Variants in PCDHGA7 observed in about 807,000 individuals in gnomAD.
PCDHGA7 encodes protocadherin gamma-A7.
A neutral mutation model predicts 58.3 loss-of-function variants in PCDHGA7; 44 were observed. The ratio of observed to expected loss-of-function variants is 0.75; its 90% CI spans 0.59 to 0.97. PCDHGA7 has a LOEUF of 0.97. Ranked by LOEUF, PCDHGA7 falls within the 50% of genes least tolerant of loss-of-function variation. The probability of loss-of-function intolerance (pLI) is 0.00; values close to 1 mark genes in which losing one functional copy is unlikely to be tolerated. For missense variants in PCDHGA7, 1,266 were observed against 1,188.7 expected (o/e 1.06, Z -0.96); for synonymous variants, 516 against 504.2 (o/e 1.02, Z -0.31).
intron 1 of PCDHGA7, chr5:141,395,037 G>A: frequency 1.9e-6 from 3 of 1,614,134 alleles, no homozygotes; most frequent in Non-Finnish European, 2.5e-6. Flanking sequence ...ACATTTTGTG[G>A]GTGTTGAGGA....
intron 1 of PCDHGA7, chr5:141,430,735 A>T (rs1255723102): frequency 6.7e-7 from 1 of 1,497,964 alleles, no homozygotes; most frequent in Non-Finnish European, 8.9e-7. Context: ...GGCAGAATTG[A>T]AAATAATTCT....
At chr5:141,453,780 C>T (rs1330142662) in intron 1 of PCDHGA7, among the ~76,000 whole-genome samples, 3 of 152,090 alleles carry the variant, frequency 2.0e-5, no homozygotes, top group African/African-American at 4.8e-5. Flanking sequence ...TTTTAGTTAC[C>T]ATGGTATATT....
intron 2 of PCDHGA7, among the ~76,000 whole-genome samples, chr5:141,500,906 G>C (rs1333707004): frequency 6.7e-6 from 1 of 149,672 alleles, no homozygotes; most frequent in African/African-American, 2.5e-5. Flanking sequence ...GTCTCGCTCT[G>C]TCTCCAGGCT....
In PCDHGA7 at chr5:141,399,498, A is replaced by G. The variant is rs539360572; in HGVS notation, c.2424+14175A>G. The G allele has an allele frequency of 1.4e-5, 22 of 1,614,002 alleles. No individual in the cohort carries two copies. The African/African-American group carries it at 2.5e-4, about 19-fold the overall frequency. On this transcript the variant is annotated intron_variant, in intron 1 of 3. Coordinates refer to ENST00000518325, the MANE Select transcript of PCDHGA7 (RefSeq NM_018920.4). Reference sequence around the variant, plus strand: ...ACCAGGCGTCCTACTTAGTCAGTGTACCCGAAAACAACCCTCCTGGGGCCT... The same window carrying G: ...ACCAGGCGTCCTACTTAGTCAGTGTGCCCGAAAACAACCCTCCTGGGGCCT...
At chr5:141,420,420 CAA>C (rs1462714732) in intron 1 of PCDHGA7, 2 of 1,201,950 alleles carry the variant, frequency 1.7e-6, no homozygotes, top group African/African-American at 3.2e-5. Context: ...ATTATTAAAA[CAA>C]AAGTTTAAAT....
intron 1 of PCDHGA7, among the ~76,000 whole-genome samples, chr5:141,483,679 CAGAA>C (rs1470395939): frequency 6.7e-6 from 1 of 149,028 alleles, no homozygotes; most frequent in Non-Finnish European, 1.5e-5. Flanking sequence ...TAAAAGAACA[CAGAA>C]AGCCAGATTC....
intron 1 of PCDHGA7, among the ~76,000 whole-genome samples, chr5:141,448,287 C>G (rs1394399947): frequency 6.6e-6 from 1 of 152,130 alleles, no homozygotes; most frequent in Non-Finnish European, 1.5e-5. Flanking sequence ...GCAACTTGCT[C>G]TTTCCACTTA....
chr5:141,433,742 C>T lies in PCDHGA7; in HGVS notation c.2424+48419C>T, dbSNP rs927651405. 2.6e-5 allele frequency among the ~76,000 whole-genome samples: 4 copies of T among 150,944 alleles called. No homozygotes were observed. The East Asian group carries it at 7.9e-4, about 30-fold the overall frequency. On this transcript the variant is annotated intron_variant, in intron 1 of 3. Coordinates refer to ENST00000518325, the MANE Select transcript of PCDHGA7 (RefSeq NM_018920.4). Reference sequence around the variant, plus strand: ...ATCCCAGCTACTTGGGAGGCTGAGTCAGGAGAATTGCTTTAACCTGGGAGG... The same window carrying T: ...ATCCCAGCTACTTGGGAGGCTGAGTTAGGAGAATTGCTTTAACCTGGGAGG...
rs762121534 is a variant in PCDHGA7, at chr5:141,403,984, A to G, written c.2424+18661A>G. 1.7e-5 allele frequency: 27 copies of G among 1,613,774 alleles called. No homozygotes were observed. The South Asian group carries it at 2.7e-4, about 16-fold the overall frequency. On this transcript the variant is annotated intron_variant, in intron 1 of 3. Coordinates refer to ENST00000518325, the MANE Select transcript of PCDHGA7 (RefSeq NM_018920.4). Reference sequence around the variant, plus strand: ...CGGTGGAAGATGTAAATGACAATAGACCTGAAGTGACCATTACATCTCTGT... The same window carrying G: ...CGGTGGAAGATGTAAATGACAATAGGCCTGAAGTGACCATTACATCTCTGT...
intron 1 of PCDHGA7, chr5:141,419,231 C>G (rs1309708358): frequency 2.5e-6 from 4 of 1,614,026 alleles, no homozygotes; most frequent in Admixed American, 1.7e-5. Context: ...GTCAGCCTAC[C>G]TGGTCCACGT....
In PCDHGA7 at chr5:141,384,406, TC is replaced by T; in HGVS notation, c.1509del (p.Tyr504MetfsTer4). On this transcript the variant is annotated frameshift_variant, in exon 1 of 4. Transcript: ENST00000518325. LOFTEE classifies it high-confidence loss of function. ...CACCATCCAGGGGGCTCCAGTGTCC[TC>T]CTATGTCTCCATAAACTCTGACACT... The part of the protein sequence containing the change: ...EDTIQGAPVS[S>X]YVSINSDTGV... 1 of 1,613,908 alleles carries T rather than the reference TC, an allele frequency of 6.2e-7. No homozygotes were observed. The highest frequency in any genetic ancestry group is 8.5e-7 in the Non-Finnish European group (1 of 1,179,860).
At position 141,403,108 on chromosome 5, in the gene PCDHGA7, G is replaced by A. The variant is rs189164879; in HGVS notation, c.2424+17785G>A. The A allele has an allele frequency of 2.7e-5, 43 of 1,614,086 alleles. No homozygotes were observed. In the African/African-American group the frequency reaches 5.1e-4, roughly 19 times the overall value. ...TTGTGGGCAACATCTCCAAGGACCT[G>A]GCTCTGGAGCCCCGGGAGCTGGCGG... On this transcript the variant is annotated intron_variant, in intron 1 of 3. Coordinates refer to ENST00000518325, the MANE Select transcript of PCDHGA7 (RefSeq NM_018920.4).
Position 141,432,943 on chromosome 5 carries a change from A to G in PCDHGA7, c.2424+47620A>G, listed in dbSNP as rs1200038728. ...ACAAGTCACGCCTGCTGCAGGCTTC[A>G]GGAGGCGGCTTGACAGGAGCGCCGG... On this transcript the variant is annotated intron_variant, in intron 1 of 3. Transcript: ENST00000518325. This position sits in a 1 kb window ranked among gnomAD's most constrained non-coding sequence, Gnocchi z 6.0. 5.6e-6 allele frequency: 9 copies of G among 1,614,168 alleles called. No homozygotes were observed. The highest frequency in any genetic ancestry group is 1.7e-4 in the Middle Eastern group (1 of 6,060).
intron 1 of PCDHGA7, among the ~76,000 whole-genome samples, chr5:141,447,747 C>A (rs1164160677): frequency 2.0e-5 from 3 of 152,106 alleles, no homozygotes; most frequent in Non-Finnish European, 4.4e-5. Flanking sequence ...AAGAGTCTTG[C>A]ATGTGACTGT....
chr5:141,403,390 G>T (rs1471861396), intron 1 of PCDHGA7: 14 of 1,614,038 alleles, frequency 8.7e-6, no homozygotes, highest in African/African-American at 1.3e-5. Context: ...ACGAAATCGC[G>T]GTTCCTGGAG....
intron 1 of PCDHGA7, chr5:141,422,201 G>T (rs764621323): frequency 1.9e-6 from 3 of 1,562,386 alleles, no homozygotes; most frequent in Admixed American, 2.0e-5. Flanking sequence ...GGCCAAGATG[G>T]TGGAGGTCTC....
chr5:141,423,225 C>G (rs763729316), intron 1 of PCDHGA7: 3 of 1,613,686 alleles, frequency 1.9e-6, no homozygotes, highest in Admixed American at 1.7e-5. Context: ...TGGCTGTGGC[C>G]GACAGCATCC....
intron 1 of PCDHGA7, among the ~76,000 whole-genome samples, chr5:141,482,498 T>G (rs1226516612): frequency 1.5e-5 from 2 of 135,390 alleles, no homozygotes; most frequent in African/African-American, 3.0e-5. Context: ...GTTATCATTC[T>G]GGTACCCAGA....
Position 141,383,742 on chromosome 5 carries a change from T to C in PCDHGA7, c.843T>C (p.Phe281=). The C allele has an allele frequency of 6.2e-7, 1 of 1,613,986 alleles. No homozygotes were observed. The highest frequency in any genetic ancestry group is 8.5e-7 in the Non-Finnish European group (1 of 1,179,890). Residue 281 remains phenylalanine (F), a synonymous_variant, in exon 1 of 4, where the codon TTT becomes TTC. Coordinates refer to ENST00000518325, the MANE Select transcript of PCDHGA7 (RefSeq NM_018920.4). The part of the protein sequence containing the change: ...EGVNGEVTYS[F]RKITPKLPKM... ...TCAATGGGGAAGTGACATATTCTTT[T>C]CGGAAAATAACTCCTAAACTTCCAA...
Sources: allele counts gnomAD v4.1 joint callset (sites outside exome capture counted in the v4.1 genomes callset), GRCh38; gene constraint gnomAD v4.1.1; non-coding constraint Gnocchi (gnomAD v3.1); transcripts MANE v1.5; gene names NCBI Gene and HGNC (gene_info 2026-07-23, HGNC 2026-07-21).